Variants in ABCC8 observed in about 807,000 individuals in gnomAD.
The protein encoded by ABCC8 is ATP binding cassette subfamily C member 8, also known as ATP-binding cassette sub-family C member 8.
A neutral mutation model predicts 188.0 loss-of-function variants in ABCC8; 137 were observed. The ratio of observed to expected loss-of-function variants is 0.73; its 90% CI spans 0.63 to 0.84. The LOEUF (loss-of-function observed/expected upper bound fraction) is 0.84. Ranked by LOEUF, ABCC8 falls within the 40% of genes least tolerant of loss-of-function variation. The pLI is 0.00. For missense variants in ABCC8, 1,750 were observed against 2,072.7 expected, an observed-to-expected ratio of 0.84 and a Z score of 3.02; for synonymous variants, 797 against 846.5, an observed-to-expected ratio of 0.94 and a Z score of 1.01.
intron 5 of ABCC8, 119 bp from the exon 6 acceptor site, chr11:17,460,795 G>A (rs921229021): frequency 3.9e-6 from 6 of 1,533,814 alleles, no homozygotes; most frequent in Non-Finnish European, 5.2e-6. Flanking sequence ...CACATCCTCT[G>A]CAAATAGGTG....
chr11:17,470,487 A>AG (rs1027549883), intron 2 of ABCC8, among the ~76,000 whole-genome samples: 8 of 152,156 alleles, frequency 5.3e-5, no homozygotes, highest in African/African-American at 1.9e-4. Flanking sequence ...TGAACAGTGC[A>AG]GGGGCCTGTA....
chr11:17,398,555 C>T (rs1267738269), intron 29 of ABCC8, 114 bp from the exon 30 acceptor site: 8 of 1,554,480 alleles, frequency 5.1e-6, no homozygotes, highest in African/African-American at 2.7e-5. Context: ...AGACATGCCA[C>T]CGTGGCCACT....
In ABCC8 at chr11:17,410,847, G is replaced by C. The variant is rs1014445499; in HGVS notation, c.2557-194C>G. 2.0e-4 allele frequency: 73 copies of C among 370,060 alleles called. 1 individual carries two copies. The highest frequency in any genetic ancestry group is 1.5e-3 in the African/African-American group (68 of 45,420). 22.9% of individuals were successfully genotyped at this position (370,060 alleles called of 1,614,324 possible). On this transcript the variant is annotated intron_variant, in intron 21 of 38. Coordinates refer to ENST00000389817, the MANE Select transcript of ABCC8 (RefSeq NM_000352.6). ...CTCATTTAAAATGGGGCAGTTGTCAGATATCACTCTCAAACAGATCTAATC... is the reference window on the plus strand; with the variant it reads ...CTCATTTAAAATGGGGCAGTTGTCACATATCACTCTCAAACAGATCTAATC...
intron 28 of ABCC8, among the ~76,000 whole-genome samples, chr11:17,403,069 CT>C (rs1439674206): frequency 1.3e-5 from 2 of 152,234 alleles, no homozygotes; most frequent in African/African-American, 4.8e-5. Flanking sequence ...TGAGCTAAGG[CT>C]GGGCAGGCAG....
At chr11:17,403,480 A>G (rs906138669) in intron 28 of ABCC8, among the ~76,000 whole-genome samples, 1 of 152,180 alleles carries the variant, frequency 6.6e-6, no homozygotes, top group African/African-American at 2.4e-5. Context: ...TCAAAAAGCT[A>G]TGTTGTTCGT....
At chr11:17,461,180 T>A in intron 5 of ABCC8, 1 of 350,280 alleles carries the variant, frequency 2.9e-6, no homozygotes, top group Non-Finnish European at 5.4e-6. Flanking sequence ...CTGGCTCAAC[T>A]CATAGAGTTA....
chr11:17,403,727 A>T (rs756866009), intron 28 of ABCC8, among the ~76,000 whole-genome samples: 1 of 152,188 alleles, frequency 6.6e-6, no homozygotes, highest in Non-Finnish European at 1.5e-5. Context: ...CACCTCCATG[A>T]CCAACACAAA....
At chr11:17,407,927 C>T (rs376638155) in intron 23 of ABCC8, among the ~76,000 whole-genome samples, 23 of 152,062 alleles carry the variant, frequency 1.5e-4, no homozygotes, top group Non-Finnish European at 3.1e-4. Flanking sequence ...CTCACTGATA[C>T]CATGAGAATG....
intron 16 of ABCC8, among the ~76,000 whole-genome samples, chr11:17,417,648 T>C (rs759511882): frequency 2.0e-4 from 31 of 152,126 alleles, no homozygotes; most frequent in Non-Finnish European, 4.1e-4. Flanking sequence ...CATGAACATT[T>C]GGGGGAAAAA....
intron 20 of ABCC8, chr11:17,413,029 G>T: frequency 1.5e-6 from 1 of 649,388 alleles, no homozygotes; most frequent in South Asian, 2.0e-5. Context: ...TCACACAAAA[G>T]GAGGACAGTC....
At chr11:17,442,969 C>T (rs1183313436) in intron 9 of ABCC8, 87 bp from the exon 10 acceptor site, 5 of 1,597,402 alleles carry the variant, frequency 3.1e-6, no homozygotes, top group Non-Finnish European at 3.4e-6. Flanking sequence ...CTGTCACTGC[C>T]ATGCCCGCCT....
intron 4 of ABCC8, among the ~76,000 whole-genome samples, 191 bp downstream of exon 4, chr11:17,463,247 C>T (rs1847934643): frequency 6.6e-6 from 1 of 152,306 alleles, no homozygotes; most frequent in East Asian, 1.9e-4. Flanking sequence ...TGGGGTAGAG[C>T]ACACGTGGGC....
At position 17,433,164 on chromosome 11, in the gene ABCC8, C is replaced by T. The variant is rs116589149; in HGVS notation, c.1631-920G>A. ...GTAAAATGCTCAACAGTGCCCTGACCCCAGGCCTAAATTTCCAGAGAGAGC... is the reference window on the plus strand; with the variant it reads ...GTAAAATGCTCAACAGTGCCCTGACTCCAGGCCTAAATTTCCAGAGAGAGC... On this transcript the variant is annotated intron_variant, in intron 10 of 38. Coordinates refer to ENST00000389817, the MANE Select transcript of ABCC8 (RefSeq NM_000352.6). 4.4e-3 allele frequency among the ~76,000 whole-genome samples: 674 copies of T among 152,242 alleles called. 5 individuals carry two copies. The highest frequency in any genetic ancestry group is 0.015 in the African/African-American group (627 of 41,530).
rs191482128 is a variant in ABCC8 at position 17,400,046 on chromosome 11, G to A, written c.3651-1605C>T. ...ACGAAAGAAAAGCTGCCTCATCATC[G>A]CTGGTTTGATAGGACCAAACTCAGG... On this transcript the variant is annotated intron_variant, in intron 29 of 38. Coordinates refer to ENST00000389817, the MANE Select transcript of ABCC8 (RefSeq NM_000352.6). Among the ~76,000 whole-genome samples the A allele has an allele frequency of 5.9e-5, 9 of 152,298 alleles. No individual in the cohort carries two copies. In the East Asian group the frequency reaches 1.3e-3, roughly 23 times the overall value.
chr11:17,416,986 A>G, intron 16 of ABCC8, 24 bp from the exon 17 acceptor site: 1 of 1,614,000 alleles, frequency 6.2e-7, no homozygotes, highest in Non-Finnish European at 8.5e-7. Flanking sequence ...AATGGGACAG[A>G]CCAACACCAG....
chr11:17,448,439 A>G, intron 8 of ABCC8, 77 bp downstream of exon 8: 1 of 1,293,512 alleles, frequency 7.7e-7, no homozygotes, highest in Admixed American at 1.7e-5. Context: ...GTGTGCTCCT[A>G]GTTACTGGCC....
chr11:17,393,138 G>A lies in ABCC8; in HGVS notation c.4609-10C>T, dbSNP rs2133390334. ...TGGTGTGCACTCGATGCTGGGCAGGGCAGGAGGGGGCGGGTCAGGATGGTG... is the reference window on the plus strand; with the variant it reads ...TGGTGTGCACTCGATGCTGGGCAGGACAGGAGGGGGCGGGTCAGGATGGTG... On this transcript the variant is annotated splice_polypyrimidine_tract_variant and intron_variant, in intron 38 of 38. Transcript: ENST00000389817. The A allele has an allele frequency of 1.2e-6, 2 of 1,612,424 alleles. No individual in the cohort carries two copies. Among genetic ancestry groups the A allele is most frequent in the East Asian group, 2.2e-5 (1 of 44,874 alleles).
At chr11:17,413,150 C>T (rs1176145953) in intron 20 of ABCC8, among the ~76,000 whole-genome samples, 1 of 152,096 alleles carries the variant, frequency 6.6e-6, no homozygotes, top group Non-Finnish European at 1.5e-5. Context: ...TCAGTGTATA[C>T]CTGGGGTGCA....
Position 17,428,189 on chromosome 11 carries a change from C to T in ABCC8, c.2040+100G>A, listed in dbSNP as rs948658520. On this transcript the variant is annotated intron_variant, in intron 14 of 38. Coordinates refer to ENST00000389817, the MANE Select transcript of ABCC8 (RefSeq NM_000352.6). ...GGACCGTACAGGCAGGCAGGGTGACCTCTGCAGAGGACTAAGCATGCAGCT... is the reference window on the plus strand; with the variant it reads ...GGACCGTACAGGCAGGCAGGGTGACTTCTGCAGAGGACTAAGCATGCAGCT... 12 of 1,585,096 alleles carry T rather than the reference C, an allele frequency of 7.6e-6. No homozygotes were observed. The African/African-American group carries it at 1.1e-4, about 14-fold the overall frequency.
Sources: gnomAD v4.1 joint callset for allele counts (sites outside exome capture counted in the v4.1 genomes callset) on GRCh38, gnomAD v4.1.1 for gene constraint, MANE v1.5 for transcripts, NCBI Gene and HGNC (gene_info 2026-07-23, HGNC 2026-07-21) for gene names.